The following TOP3B variants were observed in gnomAD, a reference collection of about 807,000 sequenced individuals.
TOP3B encodes the protein DNA topoisomerase 3-beta-1.
A neutral mutation model predicts 93.9 loss-of-function variants in TOP3B; 45 were observed. The ratio of observed to expected loss-of-function variants is 0.48; its 90% confidence interval spans 0.38 to 0.61. TOP3B has a LOEUF of 0.61. Among genes scored for constraint, TOP3B ranks in the 20% least tolerant of loss-of-function variants. The probability of loss-of-function intolerance (pLI) is 0.00; values close to 1 mark genes in which losing one functional copy is unlikely to be tolerated. For synonymous variants in TOP3B, 357 were observed against 472.6 expected, an observed-to-expected ratio of 0.76 and a Z score of 3.17; for missense variants, 750 against 1,156.1, an observed-to-expected ratio of 0.65 and a Z score of 5.09.
intron 8 of TOP3B, 166 bp downstream of exon 8, chr22:21,967,437 G>T: frequency 1.6e-6 from 1 of 621,788 alleles, no homozygotes. Flanking sequence ...AAATATCTTA[G>T]GAGTATATGA....
intron 17 of TOP3B, chr22:21,958,280 C>T: frequency 1.4e-6 from 2 of 1,411,560 alleles, no homozygotes; most frequent in Admixed American, 2.8e-5. Context: ...CTAGGGTTGC[C>T]TGCTCGATTC....
intron 13 of TOP3B, chr22:21,961,942 C>T (rs114019777): frequency 4.7e-4 from 150 of 318,398 alleles, no homozygotes; most frequent in African/African-American, 3.0e-3. Flanking sequence ...ACTCCCTGGG[C>T]TGCCCATTTT....
chr22:21,968,855 GC>G, intron 6 of TOP3B, 80 bp from the exon 7 acceptor site: 1 of 1,511,278 alleles, frequency 6.6e-7, no homozygotes, highest in Non-Finnish European at 9.1e-7. Context: ...CCAGCCCAAG[GC>G]CAGGGGTGGT....
chr22:21,979,227 G>A (rs1373941097), intron 1 of TOP3B, among the ~76,000 whole-genome samples: 1 of 152,034 alleles, frequency 6.6e-6, no homozygotes, highest in African/African-American at 2.4e-5. Context: ...TGAAGAGGGA[G>A]GTGAGGGTTG....
rs756905934 is a variant in TOP3B, at chr22:21,963,055, C to T, written c.1205-162G>A. 66 of 831,504 alleles carry T rather than the reference C, an allele frequency of 7.9e-5. 1 individual carries two copies. Among genetic ancestry groups the T allele is most frequent in the Admixed American group, 3.3e-4 (13 of 39,628 alleles). 51.5% of individuals were successfully genotyped at this position (831,504 alleles called of 1,614,324 possible). A position where few individuals can be genotyped will look rare whatever the true frequency, so the allele number is the denominator to read the frequency against. ...GAGGAAAGAAAATGTGCAGGAAGGC[C>T]GGGCGTGGTGGCTCATGCCTGTAAT... is the stretch of plus-strand genomic sequence containing the variant. On this transcript the variant is annotated intron_variant, in intron 11 of 17. Coordinates refer to ENST00000357179, the MANE Select transcript of TOP3B (RefSeq NM_001282112.2). This position sits in a 1 kb window ranked among gnomAD's most constrained non-coding sequence, Gnocchi z 4.8.
chr22:21,964,650 A>G, intron 9 of TOP3B: 1 of 372,172 alleles, frequency 2.7e-6, no homozygotes, highest in Non-Finnish European at 5.0e-6. Flanking sequence ...CTCCCCATGC[A>G]TTGTCCATGG....
Position 21,971,042 on chromosome 22 carries a change from G to A in TOP3B, c.385-636C>T. 1 of 1,302,622 alleles carries A rather than the reference G, an allele frequency of 7.7e-7. No homozygotes were observed. Among genetic ancestry groups the A allele is most frequent in the Non-Finnish European group, 1.0e-6 (1 of 987,958 alleles). The allele number at this position is 1,302,622 out of a possible 1,614,324, so 80.7% of individuals were successfully genotyped here. On this transcript the variant is annotated intron_variant, in intron 5 of 17. Coordinates refer to ENST00000357179, the MANE Select transcript of TOP3B (RefSeq NM_001282112.2). The surrounding 1 kb of genome is among the most constrained non-coding windows in gnomAD (Gnocchi z 4.6). The stretch of plus-strand genomic sequence containing the variant: ...AGCCTGGCCACGCAGCTTCCTTACT[G>A]GGAATAAGTGGCTTCATTTCTGAAG...
At chr22:21,974,545 G>A in intron 2 of TOP3B, 57 bp from the exon 3 acceptor site, 1 of 1,521,702 alleles carries the variant, frequency 6.6e-7, no homozygotes, top group Non-Finnish European at 8.9e-7. Flanking sequence ...AAGACCCTGT[G>A]GAGACCCCAG....
chr22:21,967,421 G>T, intron 8 of TOP3B, 182 bp downstream of exon 8: 1 of 604,222 alleles, frequency 1.7e-6, no homozygotes, highest in South Asian at 1.9e-5. Context: ...CTATTGCACT[G>T]GGCAGAAATA....
chr22:21,959,371 C>T lies in TOP3B; in HGVS notation c.1805-139G>A, dbSNP rs926221485. On this transcript the variant is annotated intron_variant, in intron 15 of 17. Coordinates refer to ENST00000357179, the MANE Select transcript of TOP3B (RefSeq NM_001282112.2). ...CTGTCCTGGCAGCACGGCAGGGCAG[C>T]AGCCCTGTGCGTCAGAGGCACGTGT... 49 of 1,490,238 alleles carry T rather than the reference C, an allele frequency of 3.3e-5. No homozygotes were observed. In the East Asian group the frequency reaches 5.5e-4, roughly 17 times the overall value. 92.3% of individuals were successfully genotyped at this position (1,490,238 alleles called of 1,614,324 possible).
At chr22:21,968,951 G>T (rs1287313237) in intron 6 of TOP3B, 176 bp from the exon 7 acceptor site, 1 of 621,022 alleles carries the variant, frequency 1.6e-6, no homozygotes, top group African/African-American at 1.8e-5. Context: ...GGATTCATGT[G>T]TGTACATGGG....
Position 21,971,906 on chromosome 22 carries a change from C to T in TOP3B, c.355G>A (p.Asp119Asn), listed in dbSNP as rs2071653727. The part of the protein sequence containing the change: ...CDYIVLWLDC[D>N]KEGENICFEV... ...AAGCAGATGTTCTCCCCCTCCTTGTCGCAGTCCAGCCACAGCACGATGTAG... is the reference window on the plus strand; with the variant it reads ...AAGCAGATGTTCTCCCCCTCCTTGTTGCAGTCCAGCCACAGCACGATGTAG... The change falls in exon 5 of 18, where the codon GAC becomes AAC. Residue 119 changes from aspartate (D) to asparagine (N), a missense_variant. This residue lies in a region of TOP3B where 737 missense variants were observed against 933.7 expected (regional missense o/e 0.79). Coordinates refer to ENST00000357179, the MANE Select transcript of TOP3B (RefSeq NM_001282112.2). The surrounding 1 kb of genome is among the most constrained non-coding windows in gnomAD (Gnocchi z 4.6). 2 of 1,613,996 alleles carry T rather than the reference C, an allele frequency of 1.2e-6. No homozygotes were observed. The highest frequency in any genetic ancestry group is 8.5e-7 in the Non-Finnish European group (1 of 1,179,990).
At chr22:21,959,555 C>G (rs1401802339) in intron 15 of TOP3B, 32 bp downstream of exon 15, 3 of 1,579,408 alleles carry the variant, frequency 1.9e-6, no homozygotes, top group East Asian at 2.3e-5. Flanking sequence ...AGACACCCCT[C>G]TGGTGAGGGG....
At chr22:21,975,427 ATTGTGCC>A in intron 2 of TOP3B, 1 of 490,958 alleles carries the variant, frequency 2.0e-6, no homozygotes, top group South Asian at 3.7e-5. Context: ...TTCATTGTAA[ATTGTGCC>A]TTGTGCCTTA....
chr22:21,968,125 C>A (rs926917049), intron 7 of TOP3B: 2 of 257,078 alleles, frequency 7.8e-6, no homozygotes, highest in African/African-American at 2.2e-5. Context: ...TGCAGTGGCA[C>A]GATCGTAGCT....
chr22:21,966,568 T>G (rs922155127), intron 8 of TOP3B: 4 of 152,248 alleles, frequency 2.6e-5, no homozygotes, highest in Non-Finnish European at 5.9e-5. Context: ...CTGGAATTTG[T>G]GTAAACACCA....
Position 21,962,620 on chromosome 22 carries a change from G to A in TOP3B, c.1352-18C>T, listed in dbSNP as rs746033154. 5.0e-6 allele frequency: 8 copies of A among 1,606,706 alleles called. No homozygotes were observed. The highest frequency in any genetic ancestry group is 2.7e-5 in the African/African-American group (2 of 74,778). ...CGTGAAGCCTGGAGAGATATGCGCC[G>A]CCACTCAGGGTCCCCAGCCTGGGTG... On this transcript the variant is annotated intron_variant, in intron 12 of 17. Coordinates refer to ENST00000357179, the MANE Select transcript of TOP3B (RefSeq NM_001282112.2).
At chr22:21,972,047 C>T in intron 4 of TOP3B, 96 bp from the exon 5 acceptor site, 2 of 1,075,568 alleles carry the variant, frequency 1.9e-6, no homozygotes, top group Non-Finnish European at 2.7e-6. Flanking sequence ...TGGTCCCAGG[C>T]CCTGAACCTC....
intron 4 of TOP3B, 23 bp downstream of exon 4, chr22:21,972,589 A>G (rs935141875): frequency 6.4e-6 from 10 of 1,572,784 alleles, no homozygotes; most frequent in Non-Finnish European, 8.7e-6. Context: ...CGGTGTGCTC[A>G]TGCCCAGGCC....
Sources: gnomAD v4.1 joint callset for allele counts (sites outside exome capture counted in the v4.1 genomes callset) on GRCh38, gnomAD v4.1.1 for gene constraint, gnomAD v4.1.1 regional missense constraint, Gnocchi (gnomAD v3.1) non-coding constraint, MANE v1.5 for transcripts, NCBI Gene and HGNC (gene_info 2026-07-23, HGNC 2026-07-21) for gene names.